PDE11A: variants seen among roughly 807,000 people sequenced by gnomAD.
PDE11A encodes phosphodiesterase 11A.
In PDE11A, 100 loss-of-function variants were observed where a neutral mutation model predicts 100.5. That is an observed-to-expected ratio of 1.00 (90% CI 0.85 to 1.18). The LOEUF is 1.18. Ranked by LOEUF, PDE11A falls within the 50% of genes most tolerant of loss-of-function variation. The probability of loss-of-function intolerance (pLI) is 0.00; values close to 1 mark genes in which losing one functional copy is unlikely to be tolerated. For synonymous variants in PDE11A, 381 were observed against 420.8 expected (o/e 0.91, Z 1.16); for missense variants, 1,141 against 1,152.6 (o/e 0.99, Z 0.15).
intron 1 of PDE11A, among the ~76,000 whole-genome samples, chr2:178,055,294 C>A (rs1326010885): frequency 1.6e-5 from 2 of 121,430 alleles, no homozygotes; most frequent in Admixed American, 1.1e-4. Context: ...GGGAACTGAA[C>A]AATGAGAACA....
intron 4 of PDE11A, among the ~76,000 whole-genome samples, chr2:177,894,884 T>A (rs2084585642): frequency 6.6e-6 from 1 of 152,200 alleles, no homozygotes; most frequent in South Asian, 2.1e-4. Context: ...TGCTTCAAGA[T>A]ATCCTGCCCT....
At chr2:178,077,124 C>G (rs909004167), upstream of PDE11A, among the ~76,000 whole-genome samples, 5 of 152,068 alleles carry the variant, frequency 3.3e-5, no homozygotes, top group Non-Finnish European at 5.9e-5. Context: ...ATTATATAGC[C>G]AAGCACATCA....
chr2:178,014,595 T>G, intron 1 of PDE11A, 135 bp from the exon 2 acceptor site: 1 of 705,410 alleles, frequency 1.4e-6, no homozygotes, highest in Non-Finnish European at 2.5e-6. Context: ...ATAACAGATT[T>G]GACTTCATTT....
At chr2:178,041,081 A>C (rs1359380542) in intron 1 of PDE11A, among the ~76,000 whole-genome samples, 1 of 152,016 alleles carries the variant, frequency 6.6e-6, no homozygotes, top group Non-Finnish European at 1.5e-5. Flanking sequence ...CTAGAACTAC[A>C]GGCACAGCCA....
rs541882707 is a variant in PDE11A at position 177,625,106 on chromosome 2, G to A, written c.*4301C>T. The A allele has an allele frequency of 1.3e-5, 2 of 152,672 alleles. No individual in the cohort carries two copies. The highest frequency in any genetic ancestry group is 2.9e-5 in the Non-Finnish European group (2 of 68,018). 9.5% of individuals were successfully genotyped at this position (152,672 alleles called of 1,614,324 possible). A position where few individuals can be genotyped will look rare whatever the true frequency, so the allele number is the denominator to read the frequency against. ...ATATCTTTTTTTAAATTGTATTGATGACTACATCTTTCATCATAATTAGAG... is the reference window on the plus strand; with the variant it reads ...ATATCTTTTTTTAAATTGTATTGATAACTACATCTTTCATCATAATTAGAG... On this transcript the variant is annotated 3_prime_UTR_variant, in exon 20 of 20. Coordinates refer to ENST00000286063, the MANE Select transcript of PDE11A (RefSeq NM_016953.4).
At chr2:177,727,249 T>G (rs1444231881) in intron 12 of PDE11A, among the ~76,000 whole-genome samples, 1 of 152,094 alleles carries the variant, frequency 6.6e-6, no homozygotes, top group Non-Finnish European at 1.5e-5. Context: ...TCTCAGGATT[T>G]CCATATTCCT....
At chr2:177,940,303 A>T (rs1442298733) in intron 2 of PDE11A, among the ~76,000 whole-genome samples, 1 of 152,156 alleles carries the variant, frequency 6.6e-6, no homozygotes, top group East Asian at 1.9e-4. Context: ...TCAGAGGTTG[A>T]GTATCTAAAT....
chr2:178,081,247 C>T (rs933718460), intron 2 of PDE11A, among the ~76,000 whole-genome samples: 12 of 152,148 alleles, frequency 7.9e-5, no homozygotes, highest in Non-Finnish European at 1.5e-5. Context: ...GAAAGAGTTT[C>T]TCACTTGTGT....
Position 178,047,838 on chromosome 2 carries a change from A to G in PDE11A, c.912+23688T>C, listed in dbSNP as rs187340300. Among the ~76,000 whole-genome samples, 437 of 152,270 alleles carry G rather than the reference A, an allele frequency of 2.9e-3. 7 individuals are homozygous for G. Among genetic ancestry groups the G allele is most frequent in the Non-Finnish European group, 1.1e-3 (78 of 68,012 alleles). ...CCTAACCCCCCCATGTTATATATGG[A>G]GATTCTGAGGGCCAGAGAGAGAGGT... On this transcript the variant is annotated intron_variant, in intron 1 of 19. Coordinates refer to ENST00000286063, the MANE Select transcript of PDE11A (RefSeq NM_016953.4).
chr2:178,060,937 C>CTTTTT (rs71010855), intron 1 of PDE11A, among the ~76,000 whole-genome samples: 18 of 75,676 alleles, frequency 2.4e-4, no homozygotes, highest in African/African-American at 2.7e-4. Context: ...TGTAAATATT[C>CTTTTT]TTTTTTTTTT....
chr2:178,010,593 G>A (rs114165655), intron 2 of PDE11A, among the ~76,000 whole-genome samples: 9 of 152,210 alleles, frequency 5.9e-5, no homozygotes, highest in African/African-American at 1.9e-4. Context: ...CAAAGAAAAA[G>A]GTAATTTGTT....
At chr2:178,001,076 A>C (rs1293205006) in intron 2 of PDE11A, among the ~76,000 whole-genome samples, 3 of 152,190 alleles carry the variant, frequency 2.0e-5, no homozygotes, top group Non-Finnish European at 4.4e-5. Flanking sequence ...CTCATCCATA[A>C]GGTGAGAATT....
Position 177,634,700 on chromosome 2 carries a change from C to G in PDE11A, c.2647-5138G>C, listed in dbSNP as rs185846187. Among the ~76,000 whole-genome samples, 746 of 152,230 alleles carry G rather than the reference C, an allele frequency of 4.9e-3. 6 individuals are homozygous for G. Among genetic ancestry groups the G allele is most frequent in the East Asian group, 0.03 (157 of 5,178 alleles). ...ACCGCGCCCGGCCGACTTATTCTTA[C>G]ACTCTTAATTTGTTACAGAAATGCA... is the stretch of plus-strand genomic sequence containing the variant. On this transcript the variant is annotated intron_variant, in intron 19 of 19. Transcript: ENST00000286063.
At chr2:177,762,617 CT>C (rs1415059841) in intron 10 of PDE11A, among the ~76,000 whole-genome samples, 1 of 152,154 alleles carries the variant, frequency 6.6e-6, no homozygotes, top group Non-Finnish European at 1.5e-5. Context: ...CAAGTTCAGA[CT>C]TCCTGCGCCT....
chr2:177,763,329 G>A (rs2082195097), intron 10 of PDE11A, among the ~76,000 whole-genome samples: 1 of 152,218 alleles, frequency 6.6e-6, no homozygotes, highest in Admixed American at 6.5e-5. Flanking sequence ...AGAGGAGACA[G>A]CATAGGCTAG....
intron 2 of PDE11A, among the ~76,000 whole-genome samples, chr2:177,965,731 G>T (rs1260073452): frequency 6.6e-6 from 1 of 152,024 alleles, no homozygotes; most frequent in Non-Finnish European, 1.5e-5. Context: ...GTTTATTTTT[G>T]TATCAGTACC....
At chr2:177,931,081 T>A (rs1393730917) in intron 2 of PDE11A, among the ~76,000 whole-genome samples, 2 of 152,058 alleles carry the variant, frequency 1.3e-5, no homozygotes. Flanking sequence ...TGTTTTAAAA[T>A]CTCCACCTAT....
intron 12 of PDE11A, among the ~76,000 whole-genome samples, chr2:177,725,144 TTAC>T (rs1365557920): frequency 2.0e-5 from 3 of 152,102 alleles, no homozygotes; most frequent in Non-Finnish European, 2.9e-5. Flanking sequence ...GGGCATCATT[TTAC>T]CATAGGCCGA....
intron 1 of PDE11A, among the ~76,000 whole-genome samples, chr2:178,043,376 A>C (rs533388964): frequency 6.6e-6 from 1 of 152,306 alleles, no homozygotes; most frequent in East Asian, 1.9e-4. Flanking sequence ...GAAAAGACAG[A>C]TCAAGGTTCT....
Sources: gnomAD v4.1 joint callset for allele counts (sites outside exome capture counted in the v4.1 genomes callset) on GRCh38, gnomAD v4.1.1 for gene constraint, MANE v1.5 for transcripts, NCBI Gene and HGNC (gene_info 2026-07-23, HGNC 2026-07-21) for gene names.